The following DPYD variants were observed in gnomAD, a reference collection of about 807,000 sequenced individuals.
DPYD encodes dihydropyrimidine dehydrogenase, also known as dihydropyrimidine dehydrogenase [NADP(+)].
A neutral mutation model predicts 116.2 loss-of-function variants in DPYD; 109 were observed. That is an observed-to-expected ratio of 0.94 (90% CI 0.80 to 1.10). The LOEUF (loss-of-function observed/expected upper bound fraction) is 1.10. Ranked by LOEUF, DPYD falls within the 50% of genes least tolerant of loss-of-function variation. The pLI is 0.00. For synonymous variants in DPYD, 440 were observed against 432.0 expected (o/e 1.02, Z -0.23); for missense variants, 1,302 against 1,254.5 (o/e 1.04, Z -0.57).
intron 8 of DPYD, among the ~76,000 whole-genome samples, chr1:97,604,830 T>C (rs1655482869): frequency 6.6e-6 from 1 of 152,016 alleles, no homozygotes; most frequent in Non-Finnish European, 1.5e-5. Flanking sequence ...ATCCATAAAA[T>C]AGGTAAATCA....
At chr1:97,897,504 A>G (rs536491479) in intron 1 of DPYD, among the ~76,000 whole-genome samples, 47 of 151,946 alleles carry the variant, frequency 3.1e-4, no homozygotes, top group Non-Finnish European at 5.4e-4. Context: ...TTCCATTTAC[A>G]TGTATATGAG....
intron 8 of DPYD, among the ~76,000 whole-genome samples, chr1:97,641,016 G>C (rs1657860809): frequency 6.6e-6 from 1 of 152,136 alleles, no homozygotes; most frequent in Admixed American, 6.6e-5. Context: ...AATTTGAAAA[G>C]GGAGCCATAG....
At chr1:97,605,894 C>T (rs1169502090) in intron 8 of DPYD, among the ~76,000 whole-genome samples, 1 of 151,904 alleles carries the variant, frequency 6.6e-6, no homozygotes, top group African/African-American at 2.4e-5. Context: ...TGATATTTAA[C>T]ACAATTATTA....
intron 12 of DPYD, among the ~76,000 whole-genome samples, chr1:97,519,865 C>A (rs963403633): frequency 6.6e-6 from 1 of 152,138 alleles, no homozygotes; most frequent in African/African-American, 2.4e-5. Flanking sequence ...TCTTCTCCAT[C>A]TGCTGAAAAT....
chr1:97,285,390 T>A lies in DPYD; in HGVS notation c.2299+19869A>T, dbSNP rs188101864. Among the ~76,000 whole-genome samples the A allele has an allele frequency of 2.0e-5, 3 of 152,310 alleles. No homozygotes were observed. The East Asian group carries it at 5.8e-4, about 29-fold the overall frequency. The stretch of plus-strand genomic sequence containing the variant: ...TTAAAGTAGGTATAAAAGTGCCAAG[T>A]GCTTCATTTCTCTATTTTTATCTAT... On this transcript the variant is annotated intron_variant, in intron 18 of 22. Transcript: ENST00000370192.
chr1:97,290,910 T>C (rs1666101960), intron 18 of DPYD, among the ~76,000 whole-genome samples: 1 of 151,644 alleles, frequency 6.6e-6, no homozygotes, highest in South Asian at 2.1e-4. Context: ...ACCTACAAAA[T>C]GGGAGAAAAT....
intron 16 of DPYD, among the ~76,000 whole-genome samples, chr1:97,318,039 T>C (rs1667971172): frequency 6.7e-6 from 1 of 148,980 alleles, no homozygotes; most frequent in African/African-American, 2.5e-5. Flanking sequence ...CTGAGAGATT[T>C]TGTCACCACC....
chr1:97,835,805 T>C (rs920435442), intron 2 of DPYD, among the ~76,000 whole-genome samples: 4 of 152,230 alleles, frequency 2.6e-5, no homozygotes, highest in African/African-American at 9.6e-5. Flanking sequence ...AATATTGATA[T>C]TTACTATTTT....
intron 13 of DPYD, chr1:97,514,254 A>G: frequency 1.0e-6 from 1 of 984,782 alleles, no homozygotes; most frequent in Non-Finnish European, 1.2e-6. Context: ...AAATCAATGC[A>G]TGTCACCAAC....
chr1:97,421,374 C>T (rs570270604), intron 14 of DPYD, among the ~76,000 whole-genome samples: 57 of 152,050 alleles, frequency 3.7e-4, no homozygotes, highest in African/African-American at 1.3e-3. Context: ...CCAAGAGAAA[C>T]GTGAAAAGTT....
chr1:97,224,490 C>G (rs183656212), intron 19 of DPYD, among the ~76,000 whole-genome samples: 155 of 152,072 alleles, frequency 1.0e-3, no homozygotes, highest in African/African-American at 3.6e-3. Context: ...TCATTTTACA[C>G]AGCAACATTT....
chr1:97,508,730 G>C (rs1647548741), intron 13 of DPYD, among the ~76,000 whole-genome samples: 1 of 151,908 alleles, frequency 6.6e-6, no homozygotes, highest in Non-Finnish European at 1.5e-5. Flanking sequence ...GCAGGGATTT[G>C]TATCAAATAG....
At chr1:97,237,449 A>G (rs1055095803) in intron 18 of DPYD, among the ~76,000 whole-genome samples, 1 of 152,122 alleles carries the variant, frequency 6.6e-6, no homozygotes, top group African/African-American at 2.4e-5. Flanking sequence ...GGAATATTCA[A>G]TGCTGACACT....
intron 3 of DPYD, among the ~76,000 whole-genome samples, chr1:97,746,500 T>C (rs1664562584): frequency 1.3e-5 from 2 of 152,100 alleles, no homozygotes; most frequent in Non-Finnish European, 2.9e-5. Flanking sequence ...CCTATTTTAC[T>C]ATACACGAAA....
At chr1:97,162,008 T>G (rs1655946619) in intron 20 of DPYD, among the ~76,000 whole-genome samples, 1 of 151,952 alleles carries the variant, frequency 6.6e-6, no homozygotes. Context: ...TCTTTGCTAT[T>G]GTGAATAGAG....
chr1:97,491,577 T>C (rs943764947), intron 13 of DPYD, among the ~76,000 whole-genome samples: 1 of 152,098 alleles, frequency 6.6e-6, no homozygotes, highest in Non-Finnish European at 1.5e-5. Flanking sequence ...TCTGCAATTA[T>C]ACAAACCAAG....
At chr1:97,416,527 C>T (rs1674299786) in intron 14 of DPYD, among the ~76,000 whole-genome samples, 1 of 152,172 alleles carries the variant, frequency 6.6e-6, no homozygotes. Context: ...TATACAGTGA[C>T]ATGCTTCCAT....
At chr1:97,304,984 T>G (rs995641699) in intron 18 of DPYD, among the ~76,000 whole-genome samples, 2 of 151,830 alleles carry the variant, frequency 1.3e-5, no homozygotes, top group Non-Finnish European at 2.9e-5. Flanking sequence ...TACTAGTAAG[T>G]GGCAAAAGAA....
At chr1:97,370,289 C>G (rs1671250574) in intron 16 of DPYD, among the ~76,000 whole-genome samples, 1 of 152,046 alleles carries the variant, frequency 6.6e-6, no homozygotes, top group Non-Finnish European at 1.5e-5. Context: ...AGCTGGAAGC[C>G]ATCATTCTCA....
Sources: allele counts gnomAD v4.1 joint callset (sites outside exome capture counted in the v4.1 genomes callset), GRCh38; gene constraint gnomAD v4.1.1; transcripts MANE v1.5; gene names NCBI Gene and HGNC (gene_info 2026-07-23, HGNC 2026-07-21).